The following FAM111B variants were observed in gnomAD, a reference collection of about 807,000 sequenced individuals.
The protein encoded by FAM111B is serine protease FAM111B.
FAM111B carries 1 observed loss-of-function variant against 2.8 expected under a neutral mutation model. The observed-to-expected ratio is 0.36, with a 90% CI of 0.13 to 1.70. FAM111B has a LOEUF of 1.70. Among genes scored for constraint, FAM111B ranks in the 40% most tolerant of loss-of-function variants. The pLI, the probability that FAM111B is intolerant of heterozygous loss-of-function variation, is 0.35. For missense variants in FAM111B, 882 were observed against 878.9 expected, an observed-to-expected ratio of 1.00 and a Z score of -0.04; for synonymous variants, 297 against 295.6, an observed-to-expected ratio of 1.00 and a Z score of -0.05.
At position 59,125,548 on chromosome 11, in the gene FAM111B, A is replaced by G. The variant is rs771230072; in HGVS notation, c.1451A>G (p.Tyr484Cys). 1 of 1,613,960 alleles carries G rather than the reference A, an allele frequency of 6.2e-7. No individual in the cohort carries two copies. Among genetic ancestry groups the G allele is most frequent in the African/African-American group, 1.3e-5 (1 of 75,042 alleles). Residue 484 changes from tyrosine to cysteine, a missense_variant, in exon 4 of 4, where the codon TAT becomes TGT. Physicochemically the swap from Tyr to Cys is radical, Grantham distance 194 (BLOSUM62 -2). Coordinates refer to ENST00000343597, the MANE Select transcript of FAM111B (RefSeq NM_198947.4). Reference protein sequence around the residue: ...NATCFVFNGGYIFTCRHVVHL... With the variant: ...NATCFVFNGGCIFTCRHVVHL... ...ACTTGCTTTGTCTTCAATGGTGGTT[A>G]TATTTTCACCTGTCGACATGTTGTA...
rs1938588 is a variant in FAM111B, at chr11:59,126,594, A to G, written c.*292A>G. 41,892 of 250,800 alleles carry G rather than the reference A, an allele frequency of 0.17. 3,731 individuals are homozygous for G. The highest frequency in any genetic ancestry group is 0.2 in the Non-Finnish European group (26,030 of 132,818). 15.5% of individuals were successfully genotyped at this position (250,800 alleles called of 1,614,324 possible). ...CCCCATTAAAAAGTGGGCAAAGGAC[A>G]TGAACAAACACTTTTCAAAAGAAGA... On this transcript the variant is annotated 3_prime_UTR_variant, in exon 4 of 4. Transcript: ENST00000343597.
In FAM111B at chr11:59,125,482, G is replaced by A. The variant is rs745331467; in HGVS notation, c.1385G>A (p.Gly462Glu). The A allele has an allele frequency of 2.5e-6, 4 of 1,613,936 alleles. No individual in the cohort carries two copies. The highest frequency in any genetic ancestry group is 2.2e-5 in the East Asian group (1 of 44,880). The change falls in exon 4 of 4, where the codon GGG becomes GAG. Residue 462 changes from glycine to glutamate, a missense_variant. Transcript: ENST00000343597. The stretch of plus-strand genomic sequence containing the variant: ...CTTACATATTATAGCAAGTCAGTTG[G>A]GTTCATGCAATGGGACAATAATGGA... ...EQLTYYSKSV[G>E]FMQWDNNGNT... is the part of the protein sequence containing the mutation.
rs1860035872 is a variant in FAM111B at position 59,126,370 on chromosome 11, TAAAGC to T, written c.*71_*75del. 9.1e-6 allele frequency: 12 copies of T among 1,315,852 alleles called. No homozygotes were observed. Among genetic ancestry groups the T allele is most frequent in the Non-Finnish European group, 1.2e-5 (12 of 974,666 alleles). 81.5% of individuals were successfully genotyped at this position (1,315,852 alleles called of 1,614,324 possible). ...GCAAAGATTTCATGACAAAGACACT[TAAAGC>T]AATTGCAACAAAAGTGAAAATTGGC... On this transcript the variant is annotated 3_prime_UTR_variant, in exon 4 of 4. Transcript: ENST00000343597.
intron 3 of FAM111B, among the ~76,000 whole-genome samples, chr11:59,119,511 C>T (rs1395708707): frequency 6.6e-6 from 1 of 152,136 alleles, no homozygotes; most frequent in East Asian, 1.9e-4. Flanking sequence ...TATGTTATTC[C>T]ATGGTGGCCA....
intron 3 of FAM111B, among the ~76,000 whole-genome samples, chr11:59,114,710 G>A (rs925067069): frequency 3.3e-5 from 5 of 152,126 alleles, no homozygotes; most frequent in Admixed American, 6.5e-5. Flanking sequence ...TGCCTGGTAC[G>A]TCACAGGTAC....
Position 59,125,156 on chromosome 11 carries a change from G to T in FAM111B, c.1059G>T (p.Leu353Phe). The T allele has an allele frequency of 6.2e-7, 1 of 1,613,924 alleles. No individual in the cohort carries two copies. Among genetic ancestry groups the T allele is most frequent in the Admixed American group, 1.7e-5 (1 of 59,996 alleles). ...TTAGAAATTATTACTTTTGTAGTTT[G>T]CCCCGAAAATATAGGCAAATAAACT... Reference protein sequence around the residue: ...PRIRNYYFCSLPRKYRQINSQ... With the variant: ...PRIRNYYFCSFPRKYRQINSQ... The change falls in exon 4 of 4, where the codon TTG (leucine) becomes TTT (phenylalanine). Residue 353 changes from leucine to phenylalanine, a missense_variant. By Grantham distance (22) the Leu-to-Phe change is conservative. Transcript: ENST00000343597.
Position 59,124,271 on chromosome 11 carries a change from T to C in FAM111B, c.174T>C (p.Ser58=). 1 of 1,613,808 alleles carries C rather than the reference T, an allele frequency of 6.2e-7. No homozygotes were observed. Among genetic ancestry groups the C allele is most frequent in the South Asian group, 1.1e-5 (1 of 91,068 alleles). Residue 58 remains serine, a synonymous_variant, in exon 4 of 4, where the codon AGT becomes AGC. Coordinates refer to ENST00000343597, the MANE Select transcript of FAM111B (RefSeq NM_198947.4). ...RKCSSTFKLK[S]EVNKHETALE... ...GTAGCAGCACCTTTAAGCTTAAAAG[T>C]GAAGTCAACAAGCATGAAACAGCCC...
At chr11:59,122,051 A>C (rs1859931089) in intron 3 of FAM111B, among the ~76,000 whole-genome samples, 1 of 152,216 alleles carries the variant, frequency 6.6e-6, no homozygotes, top group African/African-American at 2.4e-5. Context: ...GCTGAGGCAG[A>C]GAATTGCTTA....
rs572787206 is a variant in FAM111B at position 59,122,146 on chromosome 11, A to T, written c.82-2033A>T. Reference sequence around the variant, plus strand: ...GACAGAGCGAGACTCCGTCTCAAAAAAAATAAATAAATAAAATAAAATAAA... The same window carrying T: ...GACAGAGCGAGACTCCGTCTCAAAATAAATAAATAAATAAAATAAAATAAA... On this transcript the variant is annotated intron_variant, in intron 3 of 3. Transcript: ENST00000343597. Among the ~76,000 whole-genome samples the T allele has an allele frequency of 7.2e-5, 11 of 152,392 alleles. No homozygotes were observed. In the East Asian group the frequency reaches 9.6e-4, roughly 13 times the overall value.
chr11:59,119,485 G>A (rs1859888387), intron 3 of FAM111B, among the ~76,000 whole-genome samples: 2 of 152,234 alleles, frequency 1.3e-5, no homozygotes, highest in Non-Finnish European at 1.5e-5. Flanking sequence ...TTTCAGGCAG[G>A]AGTGTAAATT....
intron 3 of FAM111B, among the ~76,000 whole-genome samples, chr11:59,120,338 CTT>C (rs1467426086): frequency 1.3e-5 from 2 of 152,174 alleles, no homozygotes; most frequent in African/African-American, 2.4e-5. Context: ...TGGTGTGAAT[CTT>C]TGCGTCCCCC....
Position 59,109,530 on chromosome 11 carries a change from G to T in FAM111B, c.-86-10G>T, listed in dbSNP as rs1282326088. 27 of 846,958 alleles carry T rather than the reference G, an allele frequency of 3.2e-5. No homozygotes were observed. The highest frequency in any genetic ancestry group is 2.0e-4 in the Admixed American group (7 of 34,970). The allele number at this position is 846,958 out of a possible 1,614,324, so 52.5% of individuals were successfully genotyped here. On this transcript the variant is annotated splice_polypyrimidine_tract_variant and intron_variant, in intron 2 of 3. Coordinates refer to ENST00000343597, the MANE Select transcript of FAM111B (RefSeq NM_198947.4). ...TTATTTCATAGATCTTGTTTTTTTG[G>T]TTTTTTTAGACATTTCAGGTGGCAG...
chr11:59,119,429 A>G (rs1463431288), intron 3 of FAM111B, among the ~76,000 whole-genome samples: 1 of 152,168 alleles, frequency 6.6e-6, no homozygotes, highest in Non-Finnish European at 1.5e-5. Context: ...ACTAATGCTC[A>G]ATGTCTTGGA....
chr11:59,114,439 G>C (rs927538682), intron 3 of FAM111B, among the ~76,000 whole-genome samples: 1 of 152,160 alleles, frequency 6.6e-6, no homozygotes, highest in Admixed American at 6.5e-5. Flanking sequence ...GAGCTGAAGG[G>C]GCAGAGAGGA....
chr11:59,124,581 C>A lies in FAM111B; in HGVS notation c.484C>A (p.Gln162Lys). 1.2e-6 allele frequency: 2 copies of A among 1,613,408 alleles called. No individual in the cohort carries two copies. Among genetic ancestry groups the A allele is most frequent in the South Asian group, 2.2e-5 (2 of 90,962 alleles). The change falls in exon 4 of 4, where the codon CAA becomes AAA. Residue 162 changes from glutamine to lysine, a missense_variant. By Grantham distance (53) the Gln-to-Lys change is moderately conservative. Transcript: ENST00000343597. ...TTCTCATTTTAAAATTACATTTGGTCAAAGAAAGAGTAGCAAAGAAGATGG... is the reference window on the plus strand; with the variant it reads ...TTCTCATTTTAAAATTACATTTGGTAAAAGAAAGAGTAGCAAAGAAGATGG... ...SDSHFKITFG[Q>K]RKSSKEDGHI... is the part of the protein sequence containing the mutation.
rs533108016 is a variant in FAM111B at position 59,120,984 on chromosome 11, A to G, written c.82-3195A>G. Reference sequence around the variant, plus strand: ...ATTAGTTATCCACATGCAAAAAATAAAAAGTGATACCTACTTGAAGCTATG... The same window carrying G: ...ATTAGTTATCCACATGCAAAAAATAGAAAGTGATACCTACTTGAAGCTATG... On this transcript the variant is annotated intron_variant, in intron 3 of 3. Coordinates refer to ENST00000343597, the MANE Select transcript of FAM111B (RefSeq NM_198947.4). Among the ~76,000 whole-genome samples, 36 of 152,256 alleles carry G rather than the reference A, an allele frequency of 2.4e-4. No homozygotes were observed. In the South Asian group the frequency reaches 4.6e-3, roughly 19 times the overall value.
chr11:59,112,961 C>A (rs1454061873), intron 3 of FAM111B, among the ~76,000 whole-genome samples: 2 of 152,038 alleles, frequency 1.3e-5, no homozygotes, highest in East Asian at 1.9e-4. Context: ...TCTTTTCATC[C>A]TTTTATTCCT....
rs766254421 is a variant in FAM111B at position 59,125,911 on chromosome 11, A to G, written c.1814A>G (p.Asp605Gly). ...GAACGATTGAAAAAATATCCAAACGATTGTCAAGATGGGTTGGTAGATCTC... is the reference window on the plus strand; with the variant it reads ...GAACGATTGAAAAAATATCCAAACGGTTGTCAAGATGGGTTGGTAGATCTC... ...LNERLKKYPNDCQDGLVDLYD... is the reference protein window; with the variant it reads ...LNERLKKYPNGCQDGLVDLYD... Residue 605 changes from aspartate to glycine, a missense_variant, in exon 4 of 4, where the codon GAT (aspartate) becomes GGT (glycine). Transcript: ENST00000343597. The G allele has an allele frequency of 6.2e-7, 1 of 1,613,864 alleles. No homozygotes were observed. Among genetic ancestry groups the G allele is most frequent in the East Asian group, 2.2e-5 (1 of 44,872 alleles).
rs548247211 is a variant in FAM111B, at chr11:59,119,520, C to T, written c.82-4659C>T. The stretch of plus-strand genomic sequence containing the variant: ...TAGTTCTATGTTATTCCATGGTGGC[C>T]AAAGTAGAAGCTCAGGATGCTGCTT... On this transcript the variant is annotated intron_variant, in intron 3 of 3. Transcript: ENST00000343597. Among the ~76,000 whole-genome samples the T allele has an allele frequency of 2.0e-4, 31 of 152,214 alleles. 1 individual carries two copies. The South Asian group carries it at 3.9e-3, about 19-fold the overall frequency.
Sources: gnomAD v4.1 joint callset for allele counts (sites outside exome capture counted in the v4.1 genomes callset) on GRCh38, gnomAD v4.1.1 for gene constraint, MANE v1.5 for transcripts, NCBI Gene and HGNC (gene_info 2026-07-23, HGNC 2026-07-21) for gene names.